SLC15A5: variants seen among roughly 807,000 people sequenced by gnomAD.
SLC15A5 encodes Peptide/histidine transporter ENSP00000340402.
A neutral mutation model predicts 56.1 loss-of-function variants in SLC15A5; 58 were observed. The ratio of observed to expected loss-of-function variants is 1.03; its 90% CI spans 0.84 to 1.29. The LOEUF is 1.29. Ranked by LOEUF, SLC15A5 falls within the 50% of genes most tolerant of loss-of-function variation. The probability of loss-of-function intolerance (pLI) is 0.00; values close to 1 mark genes in which losing one functional copy is unlikely to be tolerated. For synonymous variants in SLC15A5, 264 were observed against 250.5 expected (o/e 1.05, Z -0.51); for missense variants, 681 against 672.1 (o/e 1.01, Z -0.15).
intron 3 of SLC15A5, among the ~76,000 whole-genome samples, chr12:16,256,070 G>A (rs1040465409): frequency 1.3e-5 from 2 of 152,100 alleles, no homozygotes; most frequent in African/African-American, 4.8e-5. Flanking sequence ...ATGCTTAAGA[G>A]CATAAATTCA....
At chr12:16,276,252 A>G (rs1462402130) in intron 1 of SLC15A5, among the ~76,000 whole-genome samples, 4 of 151,890 alleles carry the variant, frequency 2.6e-5, no homozygotes, top group Admixed American at 6.6e-5. Context: ...CTGAATGGTA[A>G]TTTACCACCT....
chr12:16,216,861 T>C (rs1325755175), intron 7 of SLC15A5, 32 bp downstream of exon 7: 8 of 1,515,638 alleles, frequency 5.3e-6, no homozygotes, highest in Non-Finnish European at 7.0e-6. Context: ...ATCAACTCAA[T>C]GTATATAAGC....
At chr12:16,218,236 A>G (rs566722478) in intron 6 of SLC15A5, among the ~76,000 whole-genome samples, 1 of 152,206 alleles carries the variant, frequency 6.6e-6, no homozygotes, top group African/African-American at 2.4e-5. Context: ...AAAAAATTGT[A>G]AGGAAATACA....
chr12:16,208,363 A>G (rs1224097818), intron 7 of SLC15A5, among the ~76,000 whole-genome samples: 2 of 152,160 alleles, frequency 1.3e-5, no homozygotes, highest in Non-Finnish European at 2.9e-5. Context: ...TCAGAAAAAT[A>G]CACTCAAATG....
intron 5 of SLC15A5, among the ~76,000 whole-genome samples, chr12:16,225,101 C>G (rs1864228239): frequency 6.6e-6 from 1 of 152,108 alleles, no homozygotes; most frequent in Non-Finnish European, 1.5e-5. Context: ...TGTATATGTG[C>G]CACATTTTCT....
At chr12:16,236,536 A>G (rs1185539673) in intron 5 of SLC15A5, among the ~76,000 whole-genome samples, 1 of 152,124 alleles carries the variant, frequency 6.6e-6, no homozygotes, top group Admixed American at 6.5e-5. Flanking sequence ...CACCTTTGTT[A>G]TTGCATTGTT....
chr12:16,274,980 G>A (rs1041296030), intron 1 of SLC15A5, among the ~76,000 whole-genome samples: 1 of 152,042 alleles, frequency 6.6e-6, no homozygotes, highest in Non-Finnish European at 1.5e-5. Flanking sequence ...CTCATCATCA[G>A]TATGCCTGCA....
At chr12:16,225,685 C>T (rs141031539) in intron 5 of SLC15A5, among the ~76,000 whole-genome samples, 1 of 152,150 alleles carries the variant, frequency 6.6e-6, no homozygotes, top group Admixed American at 6.5e-5. Flanking sequence ...ATGCAGCCAA[C>T]AGACACATGA....
chr12:16,197,603 G>A (rs79204246), intron 7 of SLC15A5, among the ~76,000 whole-genome samples: 1 of 152,078 alleles, frequency 6.6e-6, no homozygotes. Flanking sequence ...GATAATGGTT[G>A]TCAAGGGCCG....
At chr12:16,212,638 G>A (rs905764791) in intron 7 of SLC15A5, among the ~76,000 whole-genome samples, 1 of 152,180 alleles carries the variant, frequency 6.6e-6, no homozygotes, top group African/African-American at 2.4e-5. Context: ...GAGGATTAAT[G>A]TGTTGTCATT....
rs1246009813 is a variant in SLC15A5 at position 16,196,992 on chromosome 12, G to C, written c.1484-2539C>G. Among the ~76,000 whole-genome samples, 1 of 151,824 alleles carries C rather than the reference G, an allele frequency of 6.6e-6. No homozygotes were observed. Among genetic ancestry groups the C allele is most frequent in the Non-Finnish European group, 1.5e-5 (1 of 67,990 alleles). Reference sequence around the variant, plus strand: ...ACTTGGTATTTGGGAGTTTGTGGGTGACAGGAGAGAAGGACATTTGTACTA... The same window carrying C: ...ACTTGGTATTTGGGAGTTTGTGGGTCACAGGAGAGAAGGACATTTGTACTA... On this transcript the variant is annotated intron_variant, in intron 7 of 8. Transcript: ENST00000344941. This position sits in a 1 kb window ranked among gnomAD's most constrained non-coding sequence, Gnocchi z 4.0.
Position 16,189,708 on chromosome 12 carries a change from T to G in SLC15A5, c.1700A>C (p.Glu567Ala). ...CCAAAGATCAATACTTGAAGAAAAT[T>G]CCTGTATACTGCCATAAAATTTCAG... ...KSLKFYGSIQ[E>A]FSSSIDLWET... Residue 567 changes from glutamate (E) to alanine (A), a missense_variant, in exon 9 of 9, where the codon GAA becomes GCA. Transcript: ENST00000344941. 6.5e-7 allele frequency: 1 copy of G among 1,527,482 alleles called. No individual in the cohort carries two copies. The highest frequency in any genetic ancestry group is 8.8e-7 in the Non-Finnish European group (1 of 1,142,686). 94.6% of individuals were successfully genotyped at this position (1,527,482 alleles called of 1,614,324 possible).
Position 16,211,965 on chromosome 12 carries a change from T to C in SLC15A5, c.1483+4928A>G, listed in dbSNP as rs553493059. On this transcript the variant is annotated intron_variant, in intron 7 of 8. Transcript: ENST00000344941. ...CAGCTTGGAGACTGGAAGACTGTGA[T>C]AGCTGATCTTCTTTTCCAATCGGGT... Among the ~76,000 whole-genome samples the C allele has an allele frequency of 3.3e-5, 5 of 152,318 alleles. 1 individual carries two copies. The South Asian group carries it at 1.0e-3, about 32-fold the overall frequency.
intron 5 of SLC15A5, among the ~76,000 whole-genome samples, chr12:16,227,571 C>T (rs1056397351): frequency 6.6e-6 from 1 of 152,100 alleles, no homozygotes; most frequent in African/African-American, 2.4e-5. Flanking sequence ...GCACACGTGG[C>T]ATGAGCAAAG....
At chr12:16,202,384 T>G (rs1267162968) in intron 7 of SLC15A5, among the ~76,000 whole-genome samples, 1 of 151,980 alleles carries the variant, frequency 6.6e-6, no homozygotes, top group Non-Finnish European at 1.5e-5. Flanking sequence ...AAATGCAAAT[T>G]AAAACCACAA....
chr12:16,203,500 T>C (rs943094262), intron 7 of SLC15A5, among the ~76,000 whole-genome samples: 1 of 152,170 alleles, frequency 6.6e-6, no homozygotes, highest in Non-Finnish European at 1.5e-5. Flanking sequence ...GTGATCTTAA[T>C]AGCTACTTAA....
At chr12:16,248,606 A>G (rs1864487399) in intron 3 of SLC15A5, among the ~76,000 whole-genome samples, 1 of 152,118 alleles carries the variant, frequency 6.6e-6, no homozygotes, top group Non-Finnish European at 1.5e-5. Context: ...TGTCCCATGA[A>G]ACTGTAGTTA....
intron 4 of SLC15A5, among the ~76,000 whole-genome samples, chr12:16,241,252 G>C (rs1864412715): frequency 2.0e-5 from 3 of 152,152 alleles, no homozygotes; most frequent in African/African-American, 7.2e-5. Context: ...AGCTGCATTA[G>C]GATCCCTGCT....
intron 7 of SLC15A5, among the ~76,000 whole-genome samples, chr12:16,209,678 A>G (rs1419270364): frequency 6.6e-6 from 1 of 152,104 alleles, no homozygotes; most frequent in East Asian, 1.9e-4. Flanking sequence ...CTTTCCTGAC[A>G]CTACCTCCTC....
Sources: allele counts gnomAD v4.1 joint callset (sites outside exome capture counted in the v4.1 genomes callset), GRCh38; gene constraint gnomAD v4.1.1; non-coding constraint Gnocchi (gnomAD v3.1); transcripts MANE v1.5; gene names NCBI Gene and HGNC (gene_info 2026-07-23, HGNC 2026-07-21).